Variants in BMERB1 observed in about 807,000 individuals in gnomAD.
BMERB1 encodes the protein bMERB domain-containing protein 1.
In BMERB1, 12 loss-of-function variants were observed where a neutral mutation model predicts 23.6. The ratio of observed to expected loss-of-function variants is 0.51; its 90% CI spans 0.33 to 0.82. The LOEUF (loss-of-function observed/expected upper bound fraction) is 0.82, where lower values mean the gene tolerates loss of function less well. BMERB1 is among the 40% of genes least tolerant of loss of function. The pLI, the probability that BMERB1 is intolerant of heterozygous loss-of-function variation, is 0.03. For synonymous variants in BMERB1, 122 were observed against 96.6 expected (o/e 1.26, Z -1.54); for missense variants, 247 against 255.4 (o/e 0.97, Z 0.22).
intron 1 of BMERB1, among the ~76,000 whole-genome samples, chr16:15,462,137 C>CTTTTTT (rs71152431): frequency 5.3e-5 from 3 of 56,962 alleles, no homozygotes; most frequent in Admixed American, 2.8e-4. Context: ...GATGTCCTGC[C>CTTTTTT]TTTTTTTTTT....
intron 3 of BMERB1, among the ~76,000 whole-genome samples, chr16:15,578,842 A>G (rs1596403758): frequency 6.6e-6 from 1 of 152,162 alleles, no homozygotes; most frequent in African/African-American, 2.4e-5. Flanking sequence ...TACTATGACC[A>G]TGGAGGTTAG....
chr16:15,463,559 G>A (rs1230744574), intron 1 of BMERB1, among the ~76,000 whole-genome samples: 1 of 152,140 alleles, frequency 6.6e-6, no homozygotes, highest in Non-Finnish European at 1.5e-5. Flanking sequence ...TTGCCTCGTC[G>A]TTTGACTGCT....
chr16:15,465,354 T>TA (rs1555506496), intron 1 of BMERB1, among the ~76,000 whole-genome samples: 5,274 of 39,214 alleles, frequency 0.13, 208 homozygotes, highest in African/African-American at 0.2. Flanking sequence ...AAGATATATA[T>TA]TTTTTTTTTT....
At chr16:15,524,117 G>A (rs939282131) in intron 2 of BMERB1, among the ~76,000 whole-genome samples, 11 of 152,204 alleles carry the variant, frequency 7.2e-5, no homozygotes, top group African/African-American at 2.4e-4. Flanking sequence ...GTGCGTTTAT[G>A]TAACTTGACA....
intron 1 of BMERB1, among the ~76,000 whole-genome samples, chr16:15,493,837 A>G (rs1191200774): frequency 6.6e-6 from 1 of 152,218 alleles, no homozygotes; most frequent in African/African-American, 2.4e-5. Flanking sequence ...AATGAGGCAC[A>G]TGATTTTCAG....
At chr16:15,555,025 T>G (rs1284690007) in intron 2 of BMERB1, among the ~76,000 whole-genome samples, 1 of 152,170 alleles carries the variant, frequency 6.6e-6, no homozygotes, top group Non-Finnish European at 1.5e-5. Context: ...GGTGTTTGTT[T>G]GTTTTGAGAC....
At chr16:15,501,113 G>A (rs1308261876) in intron 1 of BMERB1, among the ~76,000 whole-genome samples, 1 of 151,876 alleles carries the variant, frequency 6.6e-6, no homozygotes, top group Non-Finnish European at 1.5e-5. Context: ...AAATATGTTA[G>A]TGAAATTAAT....
chr16:15,496,979 G>A (rs1465779902), intron 1 of BMERB1, among the ~76,000 whole-genome samples: 1 of 152,222 alleles, frequency 6.6e-6, no homozygotes, highest in African/African-American at 2.4e-5. Context: ...CATGAAGCAA[G>A]GGGCCATAAG....
At chr16:15,474,220 T>C (rs2051257020) in intron 1 of BMERB1, among the ~76,000 whole-genome samples, 1 of 152,078 alleles carries the variant, frequency 6.6e-6, no homozygotes, top group Non-Finnish European at 1.5e-5. Flanking sequence ...TGGATTTCTT[T>C]AGTTTTATCT....
intron 2 of BMERB1, among the ~76,000 whole-genome samples, chr16:15,519,238 G>A (rs775259069): frequency 6.6e-5 from 10 of 152,126 alleles, no homozygotes; most frequent in South Asian, 2.1e-4. Flanking sequence ...CCCGGTGGCC[G>A]TAGTGTAATA....
At chr16:15,500,305 A>G (rs1304238333) in intron 1 of BMERB1, among the ~76,000 whole-genome samples, 1 of 152,008 alleles carries the variant, frequency 6.6e-6, no homozygotes, top group African/African-American at 2.4e-5. Context: ...CACTCCTTCT[A>G]AGGGTTTCCT....
chr16:15,520,973 G>A (rs2051845833), intron 2 of BMERB1, among the ~76,000 whole-genome samples: 1 of 151,904 alleles, frequency 6.6e-6, no homozygotes, highest in Non-Finnish European at 1.5e-5. Flanking sequence ...CATTCATCAT[G>A]ATTGCTTCCT....
chr16:15,461,688 C>A (rs2051137147), intron 1 of BMERB1, among the ~76,000 whole-genome samples: 1 of 151,900 alleles, frequency 6.6e-6, no homozygotes, highest in South Asian at 2.1e-4. Context: ...TTTGGGAGGA[C>A]AAGGCAGGTG....
chr16:15,532,526 CCTTTTTTTTTTCTTTTT>C (rs1467237950), intron 2 of BMERB1, among the ~76,000 whole-genome samples: 3 of 147,616 alleles, frequency 2.0e-5, no homozygotes, highest in Non-Finnish European at 4.5e-5. Flanking sequence ...CTATGCCCGG[CCTTTTTTTTTTCTTTTT>C]CTTTTTTTTT....
chr16:15,563,329 C>T (rs982395929), intron 2 of BMERB1, among the ~76,000 whole-genome samples: 3 of 152,052 alleles, frequency 2.0e-5, no homozygotes, highest in Admixed American at 1.3e-4. Context: ...CACACATTCT[C>T]CTGCCTCAGC....
Position 15,484,691 on chromosome 16 carries a change from C to T in BMERB1, c.107-30614C>T, listed in dbSNP as rs538194099. Among the ~76,000 whole-genome samples the T allele has an allele frequency of 5.9e-5, 9 of 152,242 alleles. No homozygotes were observed. In the East Asian group the frequency reaches 1.2e-3, roughly 20 times the overall value. On this transcript the variant is annotated intron_variant, in intron 1 of 5. Coordinates refer to ENST00000300006, the MANE Select transcript of BMERB1 (RefSeq NM_033201.3). ...TGCTGAGATTACAGGCGTGAGCCACCGCACCTGGCCTCTTTCCCCTTTTTT... is the reference window on the plus strand; with the variant it reads ...TGCTGAGATTACAGGCGTGAGCCACTGCACCTGGCCTCTTTCCCCTTTTTT...
At chr16:15,514,369 C>CT (rs1445778746) in intron 1 of BMERB1, among the ~76,000 whole-genome samples, 1 of 152,128 alleles carries the variant, frequency 6.6e-6, no homozygotes, top group Admixed American at 6.6e-5. Context: ...GTCTTAGAGG[C>CT]TTAGACCACA....
intron 1 of BMERB1, among the ~76,000 whole-genome samples, chr16:15,476,443 G>A (rs1026366103): frequency 3.3e-5 from 5 of 152,174 alleles, no homozygotes; most frequent in African/African-American, 9.7e-5. Flanking sequence ...GATTACAGGC[G>A]TGAGCCCCTG....
At chr16:15,577,343 A>T (rs991639854) in intron 3 of BMERB1, 3 of 152,166 alleles carry the variant, frequency 2.0e-5, no homozygotes, top group Non-Finnish European at 2.9e-5. Context: ...CTTACCGAGG[A>T]CTTCCTTACC....
Sources: gnomAD v4.1 joint callset for allele counts (sites outside exome capture counted in the v4.1 genomes callset) on GRCh38, gnomAD v4.1.1 for gene constraint, MANE v1.5 for transcripts, NCBI Gene and HGNC (gene_info 2026-07-23, HGNC 2026-07-21) for gene names.